The following TASP1 variants were observed in gnomAD, a reference collection of about 807,000 sequenced individuals.
TASP1 encodes threonine aspartase 1.
A neutral mutation model predicts 56.6 loss-of-function variants in TASP1; 16 were observed. The ratio of observed to expected loss-of-function variants is 0.28; its 90% CI spans 0.19 to 0.43. TASP1 has a LOEUF of 0.43. Among genes scored for constraint, TASP1 ranks in the 20% least tolerant of loss-of-function variants. TASP1 has a pLI of 1.00. For synonymous variants in TASP1, 179 were observed against 184.2 expected, an observed-to-expected ratio of 0.97 and a Z score of 0.23; for missense variants, 393 against 511.6, an observed-to-expected ratio of 0.77 and a Z score of 2.24.
At chr20:13,430,395 C>G (rs182960767) in intron 12 of TASP1, among the ~76,000 whole-genome samples, 1 of 152,210 alleles carries the variant, frequency 6.6e-6, no homozygotes, top group Non-Finnish European at 1.5e-5. Flanking sequence ...TTGCCATAGA[C>G]TGCTGTCACC....
chr20:13,441,672 C>T (rs2043217311), intron 11 of TASP1, among the ~76,000 whole-genome samples: 1 of 152,158 alleles, frequency 6.6e-6, no homozygotes, highest in African/African-American at 2.4e-5. Context: ...GTAAAAGTTA[C>T]TTAGCTGTGC....
chr20:13,340,402 TTC>T, the TASP1 span, among the ~76,000 whole-genome samples: 1 of 152,202 alleles, frequency 6.6e-6, no homozygotes, highest in Admixed American at 6.5e-5. Flanking sequence ...TGATTGGGTT[TTC>T]TGTTATATGC....
the TASP1 span, among the ~76,000 whole-genome samples, chr20:13,171,276 A>G: frequency 6.6e-6 from 1 of 152,234 alleles, no homozygotes; most frequent in Non-Finnish European, 1.5e-5. Flanking sequence ...TCAATTAATC[A>G]TAGCCACAAA....
intron 11 of TASP1, among the ~76,000 whole-genome samples, chr20:13,444,523 CAT>C (rs1357648327): frequency 6.6e-6 from 1 of 152,080 alleles, no homozygotes; most frequent in Non-Finnish European, 1.5e-5. Flanking sequence ...ACTGAAAACA[CAT>C]ACATTAACTC....
chr20:13,362,808 A>AATAT, the TASP1 span, among the ~76,000 whole-genome samples: 7,747 of 114,598 alleles, frequency 0.068, 469 homozygotes, highest in East Asian at 0.12. Context: ...AATAGCAAGA[A>AATAT]ATATATATAT....
the TASP1 span, among the ~76,000 whole-genome samples, chr20:13,303,736 C>T: frequency 2.0e-5 from 3 of 152,164 alleles, no homozygotes; most frequent in Non-Finnish European, 2.9e-5. Flanking sequence ...CATATACATA[C>T]GCCAGATACC....
the TASP1 span, among the ~76,000 whole-genome samples, chr20:13,158,182 G>A: frequency 6.6e-6 from 1 of 152,182 alleles, no homozygotes; most frequent in Non-Finnish European, 1.5e-5. Flanking sequence ...ACAATGCAAT[G>A]CTAATGTTTA....
chr20:13,406,748 G>A (rs1165775095), intron 13 of TASP1, among the ~76,000 whole-genome samples: 2 of 147,770 alleles, frequency 1.4e-5, no homozygotes, highest in East Asian at 4.0e-4. Flanking sequence ...CTCACTACAA[G>A]CTCTGCCTCC....
the TASP1 span, among the ~76,000 whole-genome samples, chr20:13,312,478 C>G: frequency 6.6e-6 from 1 of 152,190 alleles, no homozygotes; most frequent in African/African-American, 2.4e-5. Context: ...CCCTTCCTCT[C>G]CCTCATGCAC....
chr20:13,571,587 C>G lies in TASP1; in HGVS notation c.489-2001G>C, dbSNP rs148897510. ...TACCTACAATGCTGCAGTGGCCCCA[C>G]TATTTTTATGCTTGCCTTGCCCTGT... is the stretch of plus-strand genomic sequence containing the variant. On this transcript the variant is annotated intron_variant, in intron 6 of 13. Coordinates refer to ENST00000337743, the MANE Select transcript of TASP1 (RefSeq NM_017714.3). Among the ~76,000 whole-genome samples the G allele has an allele frequency of 3.5e-3, 531 of 152,268 alleles. 3 individuals are homozygous for G. The highest frequency in any genetic ancestry group is 5.7e-3 in the Non-Finnish European group (388 of 68,014).
At chr20:13,299,761 A>C in the TASP1 span, 15 of 291,890 alleles carry the variant, frequency 5.1e-5, no homozygotes, top group South Asian at 1.0e-4. This position sits in a 1 kb window ranked among gnomAD's most constrained non-coding sequence, Gnocchi z 5.8. Context: ...GTGCGACTCA[A>C]TTCACACCCG....
At chr20:13,236,224 G>A in the TASP1 span, among the ~76,000 whole-genome samples, 3 of 152,024 alleles carry the variant, frequency 2.0e-5, no homozygotes, top group Non-Finnish European at 2.9e-5. Flanking sequence ...TGCCCGTCTC[G>A]GCCATCCTTC....
intron 8 of TASP1, among the ~76,000 whole-genome samples, chr20:13,555,778 C>A (rs1373325777): frequency 6.6e-6 from 1 of 152,152 alleles, no homozygotes; most frequent in Non-Finnish European, 1.5e-5. Context: ...TTCAATTCAC[C>A]TTGTCCAGAT....
intron 11 of TASP1, among the ~76,000 whole-genome samples, chr20:13,468,192 C>G (rs1455938882): frequency 8.6e-6 from 1 of 115,664 alleles, no homozygotes; most frequent in Non-Finnish European, 1.9e-5. Context: ...GACTAGAAAT[C>G]TTGCTACTTA....
chr20:13,338,543 C>T, the TASP1 span, among the ~76,000 whole-genome samples: 6,590 of 152,196 alleles, frequency 0.043, 447 homozygotes, highest in African/African-American at 0.15. Flanking sequence ...CTGGTTCAAA[C>T]GCCTCTGACA....
At chr20:13,350,081 C>T in the TASP1 span, among the ~76,000 whole-genome samples, 24 of 152,036 alleles carry the variant, frequency 1.6e-4, no homozygotes, top group Non-Finnish European at 3.4e-4. Flanking sequence ...TGCAGTGAGC[C>T]GTAATGGTGC....
chr20:13,573,623 C>G (rs2046794506), intron 6 of TASP1, among the ~76,000 whole-genome samples: 1 of 152,080 alleles, frequency 6.6e-6, no homozygotes, highest in African/African-American at 2.4e-5. Flanking sequence ...TTCTAGTCAT[C>G]TAATTTCTAT....
At chr20:13,208,815 G>A in the TASP1 span, among the ~76,000 whole-genome samples, 1 of 152,172 alleles carries the variant, frequency 6.6e-6, no homozygotes, top group Non-Finnish European at 1.5e-5. Context: ...TCACACAGAT[G>A]CACAACTGGG....
At chr20:13,466,457 C>T (rs1020730208) in intron 11 of TASP1, among the ~76,000 whole-genome samples, 1 of 152,112 alleles carries the variant, frequency 6.6e-6, no homozygotes, top group Non-Finnish European at 1.5e-5. Context: ...AATCAAAAAG[C>T]CACCTCTGGC....
Sources: gnomAD v4.1 joint callset for allele counts (sites outside exome capture counted in the v4.1 genomes callset) on GRCh38, gnomAD v4.1.1 for gene constraint, Gnocchi (gnomAD v3.1) non-coding constraint, MANE v1.5 for transcripts, NCBI Gene and HGNC (gene_info 2026-07-23, HGNC 2026-07-21) for gene names.